ADCY2: variants seen among roughly 807,000 people sequenced by gnomAD.
ADCY2 encodes the protein adenylate cyclase 2, also known as adenylate cyclase type 2.
ADCY2 carries 31 observed loss-of-function variants against 125.2 expected under a neutral mutation model. The ratio of observed to expected loss-of-function variants is 0.25; its 90% confidence interval spans 0.19 to 0.33. The LOEUF (loss-of-function observed/expected upper bound fraction) is 0.33. Among genes scored for constraint, ADCY2 ranks in the 10% least tolerant of loss-of-function variants. The pLI is 1.00. For missense variants in ADCY2, 904 were observed against 1,418.2 expected (o/e 0.64, Z 5.82); for synonymous variants, 512 against 548.4 (o/e 0.93, Z 0.93).
chr5:7,565,728 C>A (rs1382530231), intron 3 of ADCY2, among the ~76,000 whole-genome samples: 2 of 152,190 alleles, frequency 1.3e-5, no homozygotes, highest in Admixed American at 1.3e-4. Context: ...TTTGAGGACA[C>A]CTCTACAGGC....
chr5:7,612,531 A>C (rs1388808500), intron 3 of ADCY2, among the ~76,000 whole-genome samples: 2 of 152,234 alleles, frequency 1.3e-5, no homozygotes. Flanking sequence ...CATGGGGAGC[A>C]CTGGAGTTTA....
At position 7,817,083 on chromosome 5, in the gene ADCY2, A is replaced by G. The variant is rs1745136174; in HGVS notation, c.2998+103A>G. The G allele has an allele frequency of 3.6e-6, 3 of 822,046 alleles. No individual in the cohort carries two copies. The Admixed American group carries it at 6.6e-5, about 18-fold the overall frequency. 50.9% of individuals were successfully genotyped at this position (822,046 alleles called of 1,614,324 possible). On this transcript the variant is annotated intron_variant, in intron 23 of 24. Transcript: ENST00000338316. ...ATCCTTTCAGTGTTGGAGTAGAACA[A>G]TTACAAATGCATCCCGTTGCAAGAC...
intron 3 of ADCY2, among the ~76,000 whole-genome samples, chr5:7,603,629 G>A (rs972232160): frequency 5.3e-5 from 8 of 151,992 alleles, no homozygotes; most frequent in Admixed American, 2.6e-4. Context: ...TTCTTTAGAC[G>A]GGAAACTCAC....
chr5:7,731,595 CTTTTA>C (rs1158341499), intron 14 of ADCY2, among the ~76,000 whole-genome samples: 2 of 149,696 alleles, frequency 1.3e-5, no homozygotes, highest in African/African-American at 4.9e-5. Context: ...AATATCACTT[CTTTTA>C]TTTTTTTTTT....
chr5:7,474,485 G>A (rs995609825), intron 2 of ADCY2, among the ~76,000 whole-genome samples: 1 of 152,216 alleles, frequency 6.6e-6, no homozygotes, highest in African/African-American at 2.4e-5. Flanking sequence ...ATGAAATGGT[G>A]CAGAAATCTG....
chr5:7,465,111 T>C (rs1742064690), intron 2 of ADCY2, among the ~76,000 whole-genome samples: 1 of 152,208 alleles, frequency 6.6e-6, no homozygotes, highest in South Asian at 2.1e-4. Context: ...CATGATTCAG[T>C]TATCTCCCAC....
At chr5:7,514,759 C>T (rs1056065487) in intron 2 of ADCY2, among the ~76,000 whole-genome samples, 7 of 152,136 alleles carry the variant, frequency 4.6e-5, no homozygotes, top group Non-Finnish European at 8.8e-5. Context: ...TGCAGAGGCA[C>T]AGACACATGG....
intron 23 of ADCY2, among the ~76,000 whole-genome samples, chr5:7,818,540 A>G (rs1479213203): frequency 1.3e-5 from 2 of 152,090 alleles, no homozygotes; most frequent in Non-Finnish European, 2.9e-5. Context: ...TATTTTTAGT[A>G]GAGACAGGAT....
intron 4 of ADCY2, among the ~76,000 whole-genome samples, chr5:7,660,704 T>C (rs1739497035): frequency 6.6e-6 from 1 of 152,186 alleles, no homozygotes; most frequent in Non-Finnish European, 1.5e-5. Flanking sequence ...GTTCTTCAGT[T>C]GATTGGATGA....
intron 2 of ADCY2, among the ~76,000 whole-genome samples, chr5:7,501,648 C>CG (rs1554014535): frequency 1.2e-5 from 1 of 81,040 alleles, no homozygotes. Context: ...TTCCCCCCTC[C>CG]CCCCCCCCCC....
intron 14 of ADCY2, among the ~76,000 whole-genome samples, chr5:7,735,161 C>T (rs182893925): frequency 3.9e-5 from 6 of 152,282 alleles, no homozygotes; most frequent in Non-Finnish European, 8.8e-5. Flanking sequence ...ATGCCACAGA[C>T]TAGAATACTG....
At chr5:7,644,973 T>C (rs1490205214) in intron 4 of ADCY2, among the ~76,000 whole-genome samples, 3 of 152,156 alleles carry the variant, frequency 2.0e-5, no homozygotes, top group Non-Finnish European at 4.4e-5. Flanking sequence ...TGTTCTTCTT[T>C]GAATCATTTG....
At chr5:7,562,885 G>A (rs1490124286) in intron 3 of ADCY2, among the ~76,000 whole-genome samples, 4 of 151,946 alleles carry the variant, frequency 2.6e-5, no homozygotes, top group African/African-American at 9.7e-5. Flanking sequence ...ACCTTTGTAG[G>A]GCAATATTAG....
chr5:7,514,444 A>C (rs1180090896), intron 2 of ADCY2, among the ~76,000 whole-genome samples: 3 of 152,230 alleles, frequency 2.0e-5, no homozygotes, highest in Non-Finnish European at 4.4e-5. Context: ...CTTGCCTTTC[A>C]TGTCTGACTC....
chr5:7,483,224 C>T (rs550065838), intron 2 of ADCY2, among the ~76,000 whole-genome samples: 1 of 152,194 alleles, frequency 6.6e-6, no homozygotes, highest in South Asian at 2.1e-4. Context: ...TCCTAACTAT[C>T]CTGATTTGAT....
chr5:7,635,375 A>G (rs1202830268), intron 4 of ADCY2, among the ~76,000 whole-genome samples: 3 of 152,162 alleles, frequency 2.0e-5, no homozygotes, highest in African/African-American at 7.2e-5. Flanking sequence ...GATTTAGGAC[A>G]TATTTTAAAA....
At chr5:7,545,790 T>C (rs906483876) in intron 3 of ADCY2, among the ~76,000 whole-genome samples, 2 of 152,146 alleles carry the variant, frequency 1.3e-5, no homozygotes, top group African/African-American at 4.8e-5. Context: ...TCTTCCTTCT[T>C]TCCCACAATT....
chr5:7,740,388 TC>T (rs955865439), intron 14 of ADCY2, among the ~76,000 whole-genome samples: 11 of 152,090 alleles, frequency 7.2e-5, no homozygotes, highest in African/African-American at 2.4e-4. Flanking sequence ...AAACCTACAC[TC>T]CTAGTTGGAA....
chr5:7,542,451 C>T (rs1017759268), intron 3 of ADCY2, among the ~76,000 whole-genome samples: 2 of 152,164 alleles, frequency 1.3e-5, no homozygotes, highest in African/African-American at 4.8e-5. Flanking sequence ...CAAATACCCT[C>T]ATATTTAAAA....
Sources: gnomAD v4.1 joint callset for allele counts (sites outside exome capture counted in the v4.1 genomes callset) on GRCh38, gnomAD v4.1.1 for gene constraint, MANE v1.5 for transcripts, NCBI Gene and HGNC (gene_info 2026-07-23, HGNC 2026-07-21) for gene names.